STX8: variants seen among roughly 807,000 people sequenced by gnomAD.
STX8 encodes the protein syntaxin 8, also known as syntaxin-8.
Under a neutral mutation model 37.5 loss-of-function variants are expected in STX8, and 23 were observed. The ratio of observed to expected loss-of-function variants is 0.61; its 90% CI spans 0.44 to 0.87. STX8 has a LOEUF of 0.87. Among genes scored for constraint, STX8 ranks in the 40% least tolerant of loss-of-function variants. The pLI is 0.00. For synonymous variants in STX8, 115 were observed against 99.1 expected, an observed-to-expected ratio of 1.16 and a Z score of -0.95; for missense variants, 313 against 284.7, an observed-to-expected ratio of 1.10 and a Z score of -0.71.
At chr17:9,347,824 C>G (rs1317926779) in intron 7 of STX8, among the ~76,000 whole-genome samples, 1 of 152,220 alleles carries the variant, frequency 6.6e-6, no homozygotes, top group Non-Finnish European at 1.5e-5. Context: ...CTGGCAATCA[C>G]TGATCAGCTT....
At chr17:9,568,994 G>C (rs1468015015) in intron 1 of STX8, among the ~76,000 whole-genome samples, 2 of 152,222 alleles carry the variant, frequency 1.3e-5, no homozygotes, top group Non-Finnish European at 2.9e-5. Context: ...GGAACGCTAT[G>C]AAGTGGGTAC....
intron 7 of STX8, among the ~76,000 whole-genome samples, chr17:9,299,336 C>T (rs989297547): frequency 6.6e-6 from 1 of 151,898 alleles, no homozygotes; most frequent in East Asian, 1.9e-4. Context: ...ACTGTGTCTG[C>T]ATGTCATTTC....
At chr17:9,521,461 A>G (rs140886026) in intron 4 of STX8, among the ~76,000 whole-genome samples, 2 of 152,356 alleles carry the variant, frequency 1.3e-5, no homozygotes, top group African/African-American at 4.8e-5. Context: ...CTTAATAACA[A>G]TCCCAGAGTT....
chr17:9,315,003 G>C (rs1423592399), intron 7 of STX8, among the ~76,000 whole-genome samples: 2 of 151,106 alleles, frequency 1.3e-5, no homozygotes, highest in Non-Finnish European at 2.9e-5. Flanking sequence ...TTGGGAGGCT[G>C]AGGCAGGAGA....
chr17:9,359,577 G>A (rs146342476), intron 7 of STX8, among the ~76,000 whole-genome samples: 119 of 143,584 alleles, frequency 8.3e-4, no homozygotes, highest in African/African-American at 3.0e-3. Context: ...GTGCAATCTC[G>A]GCTCACTGCA....
Position 9,503,473 on chromosome 17 carries a change from C to T in STX8, c.448+1565G>A, listed in dbSNP as rs76146714. Among the ~76,000 whole-genome samples, 739 of 152,268 alleles carry T rather than the reference C, an allele frequency of 4.9e-3. 3 individuals carry two copies. The highest frequency in any genetic ancestry group is 0.017 in the African/African-American group (694 of 41,552). On this transcript the variant is annotated intron_variant, in intron 5 of 7. Coordinates refer to ENST00000306357, the MANE Select transcript of STX8 (RefSeq NM_004853.3). Reference sequence around the variant, plus strand: ...AAACATGGGCCATTTATGATCATATCAACTACATCTCAATAAAGCTGACTT... The same window carrying T: ...AAACATGGGCCATTTATGATCATATTAACTACATCTCAATAAAGCTGACTT...
chr17:9,559,758 A>ATTTTT lies in STX8; in HGVS notation c.118-2231_118-2230insAAAAA, dbSNP rs1159388418. Among the ~76,000 whole-genome samples, 136 of 28,356 alleles carry ATTTTT rather than the reference A, an allele frequency of 4.8e-3. 1 individual carries two copies. The highest frequency in any genetic ancestry group is 6.9e-3 in the African/African-American group (51 of 7,400). The allele number at this position is 28,356 out of a possible 152,430, so 18.6% of individuals were successfully genotyped here. A position where few individuals can be genotyped will look rare whatever the true frequency, so the allele number is the denominator to read the frequency against. On this transcript the variant is annotated intron_variant, in intron 2 of 7. Transcript: ENST00000306357. ...TTTATATATATATATATATATATATATATTTTTTTTTTTTTTTTTTTTGAG... is the reference window on the plus strand; with the variant it reads ...TTTATATATATATATATATATATATATTTTTTATTTTTTTTTTTTTTTTTTTTGAG...
intron 4 of STX8, among the ~76,000 whole-genome samples, chr17:9,544,926 T>C (rs1160419608): frequency 2.0e-5 from 3 of 151,832 alleles, no homozygotes; most frequent in Non-Finnish European, 4.4e-5. Flanking sequence ...ACCTGGGAGG[T>C]GGAGCTTGCA....
intron 6 of STX8, among the ~76,000 whole-genome samples, chr17:9,481,682 C>T (rs1275642417): frequency 6.6e-6 from 1 of 152,212 alleles, no homozygotes; most frequent in East Asian, 1.9e-4. Flanking sequence ...CGCAGACCAA[C>T]ACCAGTCCAT....
intron 5 of STX8, among the ~76,000 whole-genome samples, chr17:9,495,854 T>A (rs1245722766): frequency 6.6e-6 from 1 of 152,136 alleles, no homozygotes; most frequent in Non-Finnish European, 1.5e-5. Context: ...TTAGAGACAA[T>A]GATCAAAACA....
chr17:9,365,713 C>T (rs1911209903), intron 7 of STX8, among the ~76,000 whole-genome samples: 2 of 152,242 alleles, frequency 1.3e-5, no homozygotes, highest in African/African-American at 4.8e-5. Context: ...GTGGCTCACG[C>T]CTGTAATCCC....
chr17:9,532,505 CTG>C (rs1302029117), intron 4 of STX8, among the ~76,000 whole-genome samples: 1 of 151,978 alleles, frequency 6.6e-6, no homozygotes, highest in Admixed American at 6.6e-5. Context: ...ACACAGAAAA[CTG>C]TTAAAAGTGG....
intron 7 of STX8, among the ~76,000 whole-genome samples, chr17:9,251,221 T>C (rs889750588): frequency 6.6e-6 from 1 of 152,218 alleles, no homozygotes; most frequent in Non-Finnish European, 1.5e-5. Flanking sequence ...CAGGCCCTCC[T>C]AGCCAGCCCA....
intron 7 of STX8, among the ~76,000 whole-genome samples, chr17:9,343,837 G>A (rs757623996): frequency 1.3e-5 from 2 of 152,112 alleles, no homozygotes; most frequent in East Asian, 1.9e-4. Flanking sequence ...TCTGGTTTGC[G>A]TTCTTTGATG....
At chr17:9,371,645 T>C (rs979673568) in intron 7 of STX8, among the ~76,000 whole-genome samples, 35 of 152,254 alleles carry the variant, frequency 2.3e-4, no homozygotes, top group Admixed American at 9.2e-4. Context: ...CTTTTTTTTT[T>C]TTTCTTTCTT....
chr17:9,250,555 T>C lies in STX8; in HGVS notation c.*23A>G, dbSNP rs1366058117. 1 of 1,576,506 alleles carries C rather than the reference T, an allele frequency of 6.3e-7. No homozygotes were observed. The highest frequency in any genetic ancestry group is 8.6e-7 in the Non-Finnish European group (1 of 1,160,032). The stretch of plus-strand genomic sequence containing the variant: ...TGCATCTGTCATTGGCAGGTGTCAC[T>C]GCTGGTGGTCTCTTTACTGCCATCA... On this transcript the variant is annotated 3_prime_UTR_variant, in exon 8 of 8. Coordinates refer to ENST00000306357, the MANE Select transcript of STX8 (RefSeq NM_004853.3).
At chr17:9,438,758 T>C (rs1904534692) in intron 6 of STX8, among the ~76,000 whole-genome samples, 2 of 151,512 alleles carry the variant, frequency 1.3e-5, no homozygotes. Context: ...GAAACCCCCG[T>C]CTCTATTAAA....
At chr17:9,357,624 A>G (rs2142254740) in intron 7 of STX8, among the ~76,000 whole-genome samples, 1 of 152,248 alleles carries the variant, frequency 6.6e-6, no homozygotes, top group African/African-American at 2.4e-5. Flanking sequence ...TGTGCCCAGG[A>G]GGTTGAGGCT....
intron 4 of STX8, among the ~76,000 whole-genome samples, chr17:9,541,475 G>A (rs1382460022): frequency 6.6e-6 from 1 of 152,122 alleles, no homozygotes; most frequent in East Asian, 1.9e-4. Context: ...ATAACATCTT[G>A]TATTTATAAA....
Sources: gnomAD v4.1 joint callset for allele counts (sites outside exome capture counted in the v4.1 genomes callset) on GRCh38, gnomAD v4.1.1 for gene constraint, MANE v1.5 for transcripts, NCBI Gene and HGNC (gene_info 2026-07-23, HGNC 2026-07-21) for gene names.